Variants in FKBP4 observed in about 807,000 individuals in gnomAD.
FKBP4 encodes FKBP prolyl isomerase 4, also known as peptidyl-prolyl cis-trans isomerase FKBP4.
FKBP4 carries 28 observed loss-of-function variants against 54.1 expected under a neutral mutation model. That is an observed-to-expected ratio of 0.52 (90% CI 0.38 to 0.71). The LOEUF (loss-of-function observed/expected upper bound fraction) is 0.71, where lower values mean the gene tolerates loss of function less well. Among genes scored for constraint, FKBP4 ranks in the 30% least tolerant of loss-of-function variants. The probability of loss-of-function intolerance (pLI) is 0.00; values close to 1 mark genes in which losing one functional copy is unlikely to be tolerated. For synonymous variants in FKBP4, 223 were observed against 216.1 expected (o/e 1.03, Z -0.28); for missense variants, 493 against 574.4 (o/e 0.86, Z 1.45).
rs1330328970 is a variant in FKBP4, at chr12:2,795,926, TCCCCTCC to T, written c.105+690_105+696del. 3.0e-6 allele frequency: 3 copies of T among 1,006,898 alleles called. No homozygotes were observed. Among genetic ancestry groups the T allele is most frequent in the Non-Finnish European group, 2.4e-6 (2 of 841,622 alleles). The allele number at this position is 1,006,898 out of a possible 1,614,324, so 62.4% of individuals were successfully genotyped here. A position where few individuals can be genotyped will look rare whatever the true frequency, so the allele number is the denominator to read the frequency against. On this transcript the variant is annotated intron_variant, in intron 1 of 9. Coordinates refer to ENST00000001008, the MANE Select transcript of FKBP4 (RefSeq NM_002014.4). The surrounding 1 kb of genome is among the most constrained non-coding windows in gnomAD (Gnocchi z 4.3). Reference sequence around the variant, plus strand: ...GCGCGGGGCATGCCGGGAGCTGTAGTCCCCTCCCCCCTCCGCCGCCTCCCGGAGCCAG... The same window carrying T: ...GCGCGGGGCATGCCGGGAGCTGTAGTCCCCTCCGCCGCCTCCCGGAGCCAG...
chr12:2,801,920 C>T (rs767999530), intron 9 of FKBP4: 5 of 160,130 alleles, frequency 3.1e-5, no homozygotes, highest in South Asian at 1.6e-4. Flanking sequence ...CACAGGCAGA[C>T]GTTCCTGTTG....
rs2097903919 is a variant in FKBP4, at chr12:2,800,105, G to A, written c.829G>A (p.Gly277Ser). Residue 277 changes from glycine to serine, a missense_variant, in exon 7 of 10, where the codon GGC (glycine) becomes AGC (serine). Gly to Ser is a moderately conservative substitution (Grantham distance 56, BLOSUM62 0). Coordinates refer to ENST00000001008, the MANE Select transcript of FKBP4 (RefSeq NM_002014.4). The stretch of plus-strand genomic sequence containing the variant: ...ACAGAGCACCATAGTGAAAGAGCGG[G>A]GCACTGTGTACTTCAAGGTGAGCCA... ...LEQSTIVKER[G>S]TVYFKEGKYK... 6.2e-7 allele frequency: 1 copy of A among 1,613,398 alleles called. No individual in the cohort carries two copies. Among genetic ancestry groups the A allele is most frequent in the Non-Finnish European group, 8.5e-7 (1 of 1,180,014 alleles).
At chr12:2,803,033 A>C in intron 9 of FKBP4, 118 bp from the exon 10 acceptor site, 1 of 736,826 alleles carries the variant, frequency 1.4e-6, no homozygotes, top group Non-Finnish European at 2.3e-6. Flanking sequence ...TGGCCTATAC[A>C]GGTATAGCTT....
rs753702643 is a variant in FKBP4 at position 2,801,137 on chromosome 12, C to A, written c.1053C>A (p.Asn351Lys). 1.3e-5 allele frequency: 21 copies of A among 1,613,822 alleles called. No individual in the cohort carries two copies. Among genetic ancestry groups the A allele is most frequent in the Middle Eastern group, 1.7e-4 (1 of 6,020 alleles). Residue 351 changes from asparagine to lysine, a missense_variant, in exon 9 of 10, where the codon AAC becomes AAA. Asn to Lys is a moderately conservative substitution (Grantham distance 94). Coordinates refer to ENST00000001008, the MANE Select transcript of FKBP4 (RefSeq NM_002014.4). ...TTTAGGCCCTAGAACTGGACAGCAA[C>A]AACGAGAAGGGCCTCTTCCGCCGGG... ...SCNKALELDS[N>K]NEKGLFRRGE...
chr12:2,796,467 T>C, intron 1 of FKBP4: 13 of 1,238,058 alleles, frequency 1.1e-5, no homozygotes, highest in Non-Finnish European at 1.3e-5. Flanking sequence ...CCTTGGAGGG[T>C]AACCACACAC....
Position 2,795,998 on chromosome 12 carries a change from G to T in FKBP4, c.105+754G>T. 8.7e-7 allele frequency: 1 copy of T among 1,150,342 alleles called. No homozygotes were observed. Among genetic ancestry groups the T allele is most frequent in the Non-Finnish European group, 1.1e-6 (1 of 922,276 alleles). 71.3% of individuals were successfully genotyped at this position (1,150,342 alleles called of 1,614,324 possible). A position where few individuals can be genotyped will look rare whatever the true frequency, so the allele number is the denominator to read the frequency against. On this transcript the variant is annotated intron_variant, in intron 1 of 9. Transcript: ENST00000001008. The surrounding 1 kb of genome is among the most constrained non-coding windows in gnomAD (Gnocchi z 4.3). Reference sequence around the variant, plus strand: ...GGGCGGGGAGGAGGCGCTCTGCTGTGGAGCCTGCCGCCGAGTGACCGCTCG... The same window carrying T: ...GGGCGGGGAGGAGGCGCTCTGCTGTTGAGCCTGCCGCCGAGTGACCGCTCG...
chr12:2,797,870 A>C lies in FKBP4; in HGVS notation c.392A>C (p.Glu131Ala). The C allele has an allele frequency of 6.2e-7, 1 of 1,612,702 alleles. No homozygotes were observed. Among genetic ancestry groups the C allele is most frequent in the Non-Finnish European group, 8.5e-7 (1 of 1,179,080 alleles). ...KIPPNATLVFEVELFEFKGED... is the reference protein window; with the variant it reads ...KIPPNATLVFAVELFEFKGED... ...CCCCCCAATGCCACGCTTGTATTTGAGGTGAGTGTTTGGTCACTGAGATCC... is the reference window on the plus strand; with the variant it reads ...CCCCCCAATGCCACGCTTGTATTTGCGGTGAGTGTTTGGTCACTGAGATCC... Residue 131 changes from glutamate to alanine, a missense_variant and splice_region_variant, in exon 3 of 10, where the codon GAG becomes GCG. Transcript: ENST00000001008.
chr12:2,797,677 G>A (rs915550639), intron 2 of FKBP4, 52 bp from the exon 3 acceptor site: 4 of 1,563,614 alleles, frequency 2.6e-6, no homozygotes, highest in Admixed American at 1.8e-5. Flanking sequence ...CACTGTTTGA[G>A]CCCAGAATCA....
At chr12:2,799,035 C>G in intron 4 of FKBP4, 53 bp from the exon 5 acceptor site, 3 of 1,515,360 alleles carry the variant, frequency 2.0e-6, no homozygotes, top group Non-Finnish European at 2.7e-6. Context: ...GGCATCCTTC[C>G]TCAGTCACCT....
At position 2,800,433 on chromosome 12, in the gene FKBP4, C is replaced by G. The variant is rs751800526; in HGVS notation, c.888C>G (p.Ile296Met). ...YKQALLQYKK[I>M]VSWLEYESSF... is the part of the protein sequence containing the mutation. Reference sequence around the variant, plus strand: ...AAGCTTTACTACAGTATAAGAAGATCGTGTCTTGGCTGGAATATGAGTCTA... The same window carrying G: ...AAGCTTTACTACAGTATAAGAAGATGGTGTCTTGGCTGGAATATGAGTCTA... The change falls in exon 8 of 10, where the codon ATC becomes ATG. Residue 296 changes from isoleucine (I) to methionine (M), a missense_variant. Ile to Met is a conservative substitution (Grantham distance 10). Coordinates refer to ENST00000001008, the MANE Select transcript of FKBP4 (RefSeq NM_002014.4). 1.9e-6 allele frequency: 3 copies of G among 1,613,850 alleles called. No homozygotes were observed. The Admixed American group carries it at 5.0e-5, about 27-fold the overall frequency.
intron 9 of FKBP4, among the ~76,000 whole-genome samples, chr12:2,802,041 G>A (rs2097905103): frequency 6.6e-6 from 1 of 152,206 alleles, no homozygotes. Flanking sequence ...CGTATTTAAA[G>A]AACTTTTACA....
Position 2,799,191 on chromosome 12 carries a change from G to T in FKBP4, c.618G>T (p.Arg206Ser). ...TGGATCTGCCTTATGGTCTGGAGAG[G>T]GCCATTCAGCGCATGGAGAAAGGAG... The part of the protein sequence containing the change: ...ENLDLPYGLE[R>S]AIQRMEKGEH... The change falls in exon 5 of 10, where the codon AGG becomes AGT. Residue 206 changes from arginine to serine, a missense_variant. By Grantham distance (110) the Arg-to-Ser change is moderately radical. Transcript: ENST00000001008. 1 of 1,586,328 alleles carries T rather than the reference G, an allele frequency of 6.3e-7. No individual in the cohort carries two copies. The highest frequency in any genetic ancestry group is 8.6e-7 in the Non-Finnish European group (1 of 1,168,530).
chr12:2,797,658 C>T, intron 2 of FKBP4, 71 bp from the exon 3 acceptor site: 1 of 1,538,618 alleles, frequency 6.5e-7, no homozygotes, highest in Non-Finnish European at 8.8e-7. Context: ...TGCAGTAACT[C>T]TTCAGGAGCA....
chr12:2,801,834 A>G (rs1465843286), intron 9 of FKBP4: 2 of 303,044 alleles, frequency 6.6e-6, no homozygotes, highest in South Asian at 2.8e-5. Flanking sequence ...ACCAAAGTAT[A>G]CAGTCAAGTC....
Position 2,794,982 on chromosome 12 carries a change from C to T in FKBP4, c.-158C>T. ...CGCTCCTGACCCACCTACCCCAGCT[C>T]TCGCGCCGCGTGCAGAGGTGCTCAA... On this transcript the variant is annotated 5_prime_UTR_variant, in exon 1 of 10. Coordinates refer to ENST00000001008, the MANE Select transcript of FKBP4 (RefSeq NM_002014.4). 1 of 343,728 alleles carries T rather than the reference C, an allele frequency of 2.9e-6. No individual in the cohort carries two copies. The highest frequency in any genetic ancestry group is 1.4e-4 in the South Asian group (1 of 7,014). The allele number at this position is 343,728 out of a possible 1,614,324, so 21.3% of individuals were successfully genotyped here.
Position 2,795,975 on chromosome 12 carries a change from G to T in FKBP4, c.105+731G>T, listed in dbSNP as rs2097901592. ...CGGAGCCAGGGCTGCGGGGTGTGGG[G>T]CGGGGAGGAGGCGCTCTGCTGTGGA... On this transcript the variant is annotated intron_variant, in intron 1 of 9. Transcript: ENST00000001008. This position sits in a 1 kb window ranked among gnomAD's most constrained non-coding sequence, Gnocchi z 4.3. 3.7e-6 allele frequency: 4 copies of T among 1,079,116 alleles called. No homozygotes were observed. Among genetic ancestry groups the T allele is most frequent in the Non-Finnish European group, 4.5e-6 (4 of 883,082 alleles). 66.8% of individuals were successfully genotyped at this position (1,079,116 alleles called of 1,614,324 possible).
intron 9 of FKBP4, chr12:2,801,574 C>G (rs1474753751): frequency 3.0e-6 from 2 of 673,840 alleles, no homozygotes; most frequent in African/African-American, 1.8e-5. Flanking sequence ...GTTGGTTGCC[C>G]TGAGTGTAAT....
At position 2,795,402 on chromosome 12, in the gene FKBP4, C is replaced by G. The variant is rs1240333604; in HGVS notation, c.105+158C>G. Among the ~76,000 whole-genome samples the G allele has an allele frequency of 6.8e-6, 1 of 147,780 alleles. No individual in the cohort carries two copies. Among genetic ancestry groups the G allele is most frequent in the African/African-American group, 2.4e-5 (1 of 40,994 alleles). On this transcript the variant is annotated intron_variant, in intron 1 of 9. Transcript: ENST00000001008. The surrounding 1 kb of genome is among the most constrained non-coding windows in gnomAD (Gnocchi z 4.3). ...GGGCCGGTGGCATCGCCGTCCCGGA[C>G]CGGGCTGCGTCGTTTAAGGCACCGA...
intron 1 of FKBP4, chr12:2,796,109 G>A (rs2097901685): frequency 8.2e-7 from 1 of 1,213,934 alleles, no homozygotes; most frequent in African/African-American, 1.6e-5. Flanking sequence ...GTTCCAGGGA[G>A]AATCAGAGAT....
Sources: gnomAD v4.1 joint callset for allele counts (sites outside exome capture counted in the v4.1 genomes callset) on GRCh38, gnomAD v4.1.1 for gene constraint, Gnocchi (gnomAD v3.1) non-coding constraint, MANE v1.5 for transcripts, NCBI Gene and HGNC (gene_info 2026-07-23, HGNC 2026-07-21) for gene names.